RBFOX1: variants seen among roughly 807,000 people sequenced by gnomAD.
The protein encoded by RBFOX1 is RNA binding protein fox-1 homolog 1.
In RBFOX1, 8 loss-of-function variants were observed where a neutral mutation model predicts 57.7. That is an observed-to-expected ratio of 0.14 (90% CI 0.08 to 0.25). RBFOX1 has a LOEUF of 0.25. RBFOX1 is among the 10% of genes least tolerant of loss of function. The pLI, the probability that RBFOX1 is intolerant of heterozygous loss-of-function variation, is 1.00. For synonymous variants in RBFOX1, 326 were observed against 222.4 expected (o/e 1.47, Z -4.15); for missense variants, 611 against 548.5 (o/e 1.11, Z -1.14).
At chr16:7,241,464 A>G (rs1242738262) in intron 4 of RBFOX1, among the ~76,000 whole-genome samples, 1 of 152,184 alleles carries the variant, frequency 6.6e-6, no homozygotes, top group Non-Finnish European at 1.5e-5. Context: ...CCTTTGGTTC[A>G]TTCAAGATGA....
At chr16:7,263,403 C>G (rs1014205730) in intron 4 of RBFOX1, among the ~76,000 whole-genome samples, 2 of 152,124 alleles carry the variant, frequency 1.3e-5, no homozygotes, top group African/African-American at 2.4e-5. Flanking sequence ...ATTCTCAACC[C>G]TGGCTGGGTA....
chr16:6,459,067 G>A (rs1199788506), intron 2 of RBFOX1, among the ~76,000 whole-genome samples: 3 of 152,224 alleles, frequency 2.0e-5, no homozygotes, highest in Admixed American at 2.0e-4. Context: ...CAAGCCTGGT[G>A]GCTCACGCCT....
intron 3 of RBFOX1, among the ~76,000 whole-genome samples, chr16:5,719,293 C>T (rs547803785): frequency 5.3e-5 from 8 of 151,398 alleles, no homozygotes; most frequent in South Asian, 2.1e-4. Flanking sequence ...GCTCCGCCCC[C>T]CTGGTTCACG....
At chr16:5,373,372 G>C (rs1376598248) in intron 1 of RBFOX1, among the ~76,000 whole-genome samples, 1 of 152,132 alleles carries the variant, frequency 6.6e-6, no homozygotes, top group Non-Finnish European at 1.5e-5. Flanking sequence ...TGGATCATGG[G>C]ATTTCCCTGG....
At chr16:5,599,495 C>T in exon 3 of RBFOX1, 1 of 471,186 alleles carries the variant, frequency 2.1e-6, no homozygotes, top group Non-Finnish European at 3.7e-6. Context: ...AGGAAGTTCC[C>T]TGCACAGATA....
intron 3 of RBFOX1, among the ~76,000 whole-genome samples, chr16:6,968,905 T>C (rs1052339600): frequency 6.6e-6 from 1 of 152,012 alleles, no homozygotes; most frequent in Non-Finnish European, 1.5e-5. Context: ...AGGATTCACA[T>C]AATAAGCTCA....
At chr16:6,119,591 TCTC>T (rs1294686024) in intron 1 of RBFOX1, among the ~76,000 whole-genome samples, 2 of 152,216 alleles carry the variant, frequency 1.3e-5, no homozygotes, top group Non-Finnish European at 2.9e-5. Flanking sequence ...CATTTTTCAT[TCTC>T]CTCCATTTAT....
At chr16:5,653,910 A>G (rs1425167843) in intron 3 of RBFOX1, among the ~76,000 whole-genome samples, 2 of 152,186 alleles carry the variant, frequency 1.3e-5, no homozygotes, top group Non-Finnish European at 2.9e-5. Context: ...ATGAGAGGAT[A>G]AAGTCAGTGT....
intron 1 of RBFOX1, among the ~76,000 whole-genome samples, chr16:6,058,080 C>A (rs1023563459): frequency 6.6e-6 from 1 of 151,996 alleles, no homozygotes; most frequent in Non-Finnish European, 1.5e-5. Context: ...CGCAGACACA[C>A]GGGAAGGCTT....
chr16:7,261,850 A>T (rs1311171599), intron 4 of RBFOX1, among the ~76,000 whole-genome samples: 2 of 152,142 alleles, frequency 1.3e-5, no homozygotes, highest in Non-Finnish European at 2.9e-5. Flanking sequence ...AAAGTCTTGG[A>T]TTCATTTGTT....
At chr16:6,886,051 A>C (rs1355728494) in intron 3 of RBFOX1, among the ~76,000 whole-genome samples, 2 of 149,788 alleles carry the variant, frequency 1.3e-5, no homozygotes, top group Non-Finnish European at 1.5e-5. Flanking sequence ...TGTCCAGTGA[A>C]AGTATTTTTT....
intron 3 of RBFOX1, among the ~76,000 whole-genome samples, chr16:5,703,739 GTGTGTGTATATA>G (rs2051137548): frequency 6.6e-6 from 1 of 152,102 alleles, no homozygotes; most frequent in Non-Finnish European, 1.5e-5. Context: ...AGTGTCAAAT[GTGTGTGTATATA>G]TGTGTGTATA....
intron 2 of RBFOX1, among the ~76,000 whole-genome samples, chr16:5,504,775 G>T (rs1344402795): frequency 4.6e-5 from 7 of 152,192 alleles, no homozygotes; most frequent in Admixed American, 6.5e-5. Flanking sequence ...AGGAGGATGC[G>T]GAGGCTTGGG....
At chr16:5,371,798 G>T (rs530000) in intron 1 of RBFOX1, among the ~76,000 whole-genome samples, 82,387 of 151,966 alleles carry the variant, frequency 0.54, 24,380 homozygotes, top group East Asian at 0.8. Flanking sequence ...TTGGCCCTGG[G>T]CTGCAGATAC....
intron 4 of RBFOX1, among the ~76,000 whole-genome samples, chr16:7,385,294 C>T (rs2097857008): frequency 6.6e-6 from 1 of 152,146 alleles, no homozygotes; most frequent in African/African-American, 2.4e-5. Context: ...AGGAAGCTGT[C>T]TGGGAGTCCA....
chr16:6,525,201 A>T (rs112357652), intron 2 of RBFOX1, among the ~76,000 whole-genome samples: 1,741 of 152,328 alleles, frequency 0.011, 40 homozygotes, highest in African/African-American at 0.04. Flanking sequence ...ACAAGAAGAT[A>T]AGAACAATTC....
chr16:6,219,653 T>C (rs1437117907), intron 1 of RBFOX1, among the ~76,000 whole-genome samples: 1 of 152,080 alleles, frequency 6.6e-6, no homozygotes, highest in Non-Finnish European at 1.5e-5. Flanking sequence ...GGTGGGCAGA[T>C]CACTTGAGGT....
At chr16:7,285,853 G>A (rs983721395) in intron 4 of RBFOX1, among the ~76,000 whole-genome samples, 3 of 152,186 alleles carry the variant, frequency 2.0e-5, no homozygotes, top group Non-Finnish European at 2.9e-5. Context: ...TTCAAGTGCA[G>A]GGTTTTGTGT....
At chr16:6,867,872 G>A (rs745903874) in intron 3 of RBFOX1, among the ~76,000 whole-genome samples, 2 of 152,090 alleles carry the variant, frequency 1.3e-5, no homozygotes, top group Non-Finnish European at 2.9e-5. Context: ...CAGTTTCAAC[G>A]ATGTATTATA....
Sources: gnomAD v4.1 joint callset for allele counts (sites outside exome capture counted in the v4.1 genomes callset) on GRCh38, gnomAD v4.1.1 for gene constraint, MANE v1.5 for transcripts, NCBI Gene and HGNC (gene_info 2026-07-23, HGNC 2026-07-21) for gene names.